Variants in PLCB1 observed in about 807,000 individuals in gnomAD.
PLCB1 encodes the protein phospholipase C beta 1.
Under a neutral mutation model 161.8 loss-of-function variants are expected in PLCB1, and 46 were observed. The observed-to-expected ratio is 0.28, with a 90% CI of 0.22 to 0.36. The LOEUF is 0.36. Among genes scored for constraint, PLCB1 ranks in the 10% least tolerant of loss-of-function variants. The pLI is 1.00. For synonymous variants in PLCB1, 517 were observed against 503.7 expected, an observed-to-expected ratio of 1.03 and a Z score of -0.35; for missense variants, 1,016 against 1,472.5, an observed-to-expected ratio of 0.69 and a Z score of 5.07.
At chr20:8,458,254 TG>T (rs1981416787) in intron 3 of PLCB1, among the ~76,000 whole-genome samples, 1 of 152,206 alleles carries the variant, frequency 6.6e-6, no homozygotes, top group Admixed American at 6.5e-5. Flanking sequence ...GGCTTCCAGC[TG>T]GTTGCTGCAG....
intron 24 of PLCB1, 53 bp downstream of exon 24, chr20:8,757,231 A>G: frequency 6.5e-7 from 1 of 1,545,428 alleles, no homozygotes; most frequent in Non-Finnish European, 8.7e-7. Context: ...CCAGTTCATT[A>G]GTGCCACTGA....
At chr20:8,652,339 A>G (rs1271998587) in intron 7 of PLCB1, 2 of 152,178 alleles carry the variant, frequency 1.3e-5, no homozygotes, top group Admixed American at 1.3e-4. Flanking sequence ...TATTATTCAT[A>G]GTAAAGTATA....
At chr20:8,681,086 G>GTATATATATATATATATATATA (rs202198416) in intron 9 of PLCB1, among the ~76,000 whole-genome samples, 12 of 73,840 alleles carry the variant, frequency 1.6e-4, no homozygotes, top group Non-Finnish European at 2.1e-4. Flanking sequence ...ATGTGTGTGT[G>GTATATATATATATATATATATA]TATATATATA....
chr20:8,381,964 C>G (rs528749329), intron 3 of PLCB1, among the ~76,000 whole-genome samples: 2 of 152,138 alleles, frequency 1.3e-5, no homozygotes, highest in South Asian at 4.2e-4. Flanking sequence ...CAGGTCTGCC[C>G]TGATCTTAGT....
rs772366922 is a variant in PLCB1, at chr20:8,881,770, G to C, written c.3572G>C (p.Gly1191Ala). The change falls in exon 32 of 32, where the codon GGA becomes GCA. Residue 1191 changes from glycine (G) to alanine (A), a missense_variant. Gly to Ala is a moderately conservative substitution (Grantham distance 60, BLOSUM62 0). Transcript: ENST00000338037. Reference sequence around the variant, plus strand: ...CCTCTCTCCCTGTCCTCAGACCCTGGAAAAGTGAACCACAAGACTCCCTCC... The same window carrying C: ...CCTCTCTCCCTGTCCTCAGACCCTGCAAAAGTGAACCACAAGACTCCCTCC... ...SAPLSLSSDP[G>A]KVNHKTPSSE... 3.0e-5 allele frequency: 49 copies of C among 1,613,974 alleles called. No homozygotes were observed. The highest frequency in any genetic ancestry group is 1.2e-4 in the Admixed American group (7 of 59,988).
At chr20:8,880,109 A>C (rs1436371715) in intron 31 of PLCB1, among the ~76,000 whole-genome samples, 1 of 152,160 alleles carries the variant, frequency 6.6e-6, no homozygotes. Context: ...GCAGGGGGAA[A>C]AATACAGGTT....
At chr20:8,685,195 T>A in intron 10 of PLCB1, 117 bp downstream of exon 10, 1 of 974,444 alleles carries the variant, frequency 1.0e-6, no homozygotes, top group Non-Finnish European at 1.6e-6. Flanking sequence ...GAAGTGCCTC[T>A]GAGAACTCTG....
At chr20:8,559,837 A>G (rs1986086442) in intron 3 of PLCB1, among the ~76,000 whole-genome samples, 1 of 152,032 alleles carries the variant, frequency 6.6e-6, no homozygotes, top group Non-Finnish European at 1.5e-5. Flanking sequence ...TCGGTCTTGT[A>G]CTAATTCAGT....
intron 4 of PLCB1, among the ~76,000 whole-genome samples, chr20:8,633,126 ACACACACAC>A: frequency 6.6e-6 from 1 of 150,932 alleles, no homozygotes; most frequent in Non-Finnish European, 1.5e-5. Flanking sequence ...ACACACACAC[ACACACACAC>A]ACACACACAC....
chr20:8,504,744 G>A (rs980702514), intron 3 of PLCB1, among the ~76,000 whole-genome samples: 2 of 147,118 alleles, frequency 1.4e-5, no homozygotes, highest in African/African-American at 2.5e-5. Context: ...CCTCTGGAAT[G>A]TTTGGCTCCA....
Position 8,879,296 on chromosome 20 carries a change from GAAAA to G in PLCB1, c.3424-2314_3424-2311del, listed in dbSNP as rs11470638. Among the ~76,000 whole-genome samples, 291 of 138,554 alleles carry G rather than the reference GAAAA, an allele frequency of 2.1e-3. 1 individual carries two copies. The highest frequency in any genetic ancestry group is 6.9e-3 in the African/African-American group (269 of 39,128). The allele number at this position is 138,554 out of a possible 152,430, so 90.9% of individuals were successfully genotyped here. On this transcript the variant is annotated intron_variant, in intron 31 of 31. Coordinates refer to ENST00000338037, the MANE Select transcript of PLCB1 (RefSeq NM_015192.4). ...GTGCATGTCACACACTTTTTGATGT[GAAAA>G]AAAAAAAAAAACAAGTCATTTAAAC...
At chr20:8,330,533 G>C (rs1034258331) in intron 2 of PLCB1, among the ~76,000 whole-genome samples, 17 of 152,292 alleles carry the variant, frequency 1.1e-4, no homozygotes, top group Non-Finnish European at 2.1e-4. Context: ...CATCAGACGA[G>C]TGTTCATTTT....
intron 31 of PLCB1, among the ~76,000 whole-genome samples, chr20:8,873,565 AGT>A (rs1296469526): frequency 6.6e-6 from 1 of 152,118 alleles, no homozygotes; most frequent in Non-Finnish European, 1.5e-5. Context: ...TTACCATAAA[AGT>A]GAGAAATAGA....
intron 3 of PLCB1, among the ~76,000 whole-genome samples, chr20:8,531,274 T>A (rs1290039779): frequency 6.6e-6 from 1 of 152,024 alleles, no homozygotes; most frequent in Non-Finnish European, 1.5e-5. Flanking sequence ...AAGAGACAAA[T>A]GTCACACTAA....
At chr20:8,591,955 T>G (rs968522777) in intron 3 of PLCB1, among the ~76,000 whole-genome samples, 1 of 152,186 alleles carries the variant, frequency 6.6e-6, no homozygotes, top group African/African-American at 2.4e-5. Context: ...TTTGGAATAC[T>G]TGCATATACA....
At chr20:8,252,593 C>T (rs1053738833) in intron 2 of PLCB1, among the ~76,000 whole-genome samples, 7 of 152,072 alleles carry the variant, frequency 4.6e-5, no homozygotes, top group East Asian at 3.9e-4. Context: ...ATAGTTGCTT[C>T]GTGCATAAGC....
At chr20:8,137,477 A>G (rs2051361059) in intron 1 of PLCB1, among the ~76,000 whole-genome samples, 1 of 152,248 alleles carries the variant, frequency 6.6e-6, no homozygotes, top group Non-Finnish European at 1.5e-5. Context: ...AAATTTGCCC[A>G]GTTATGTCCA....
intron 2 of PLCB1, among the ~76,000 whole-genome samples, chr20:8,176,154 CAT>C (rs1458542213): frequency 6.6e-6 from 1 of 152,098 alleles, no homozygotes; most frequent in African/African-American, 2.4e-5. Context: ...ATCCCAGAAA[CAT>C]GTTTTAAAAG....
chr20:8,179,923 A>G lies in PLCB1; in HGVS notation c.177+29552A>G, dbSNP rs1347917419. ...GCCCAGGCTGGAGTGCAGTGGCGGG[A>G]TCTCGGCTCACTGCAAGCTCCGCCT... On this transcript the variant is annotated intron_variant, in intron 2 of 31. Coordinates refer to ENST00000338037, the MANE Select transcript of PLCB1 (RefSeq NM_015192.4). Among the ~76,000 whole-genome samples, 7 of 116,842 alleles carry G rather than the reference A, an allele frequency of 6.0e-5. 1 individual carries two copies. In the Admixed American group the frequency reaches 8.9e-4, roughly 15 times the overall value. The allele number at this position is 116,842 out of a possible 152,430, so 76.7% of individuals were successfully genotyped here.
Sources: gnomAD v4.1 joint callset for allele counts (sites outside exome capture counted in the v4.1 genomes callset) on GRCh38, gnomAD v4.1.1 for gene constraint, MANE v1.5 for transcripts, NCBI Gene and HGNC (gene_info 2026-07-23, HGNC 2026-07-21) for gene names.